MARK2: variants seen among roughly 807,000 people sequenced by gnomAD.
MARK2 encodes the protein microtubule affinity regulating kinase 2.
MARK2 carries 16 observed loss-of-function variants against 89.8 expected under a neutral mutation model. The ratio of observed to expected loss-of-function variants is 0.18; its 90% CI spans 0.12 to 0.27. The LOEUF is 0.27. Ranked by LOEUF, MARK2 falls within the 10% of genes least tolerant of loss-of-function variation. The pLI is 1.00. For synonymous variants in MARK2, 382 were observed against 399.5 expected, an observed-to-expected ratio of 0.96 and a Z score of 0.52; for missense variants, 621 against 1,049.9, an observed-to-expected ratio of 0.59 and a Z score of 5.65.
At chr11:63,864,165 A>G (rs1937991426) in intron 1 of MARK2, among the ~76,000 whole-genome samples, 1 of 151,922 alleles carries the variant, frequency 6.6e-6, no homozygotes, top group Admixed American at 6.5e-5. Context: ...CATGTTAGCC[A>G]GGATGGTCTC....
intron 11 of MARK2, among the ~76,000 whole-genome samples, chr11:63,901,662 G>C (rs1351324371): frequency 2.0e-5 from 3 of 146,924 alleles, no homozygotes; most frequent in African/African-American, 7.7e-5. Context: ...TGTTGCTTCT[G>C]TCTAGTGCTT....
At chr11:63,861,400 A>T (rs994139906) in intron 1 of MARK2, among the ~76,000 whole-genome samples, 1 of 151,946 alleles carries the variant, frequency 6.6e-6, no homozygotes, top group African/African-American at 2.4e-5. Flanking sequence ...GCACCACTGC[A>T]CTCCTGCCTG....
chr11:63,909,288 C>T lies in MARK2; in HGVS notation c.*51C>T, dbSNP rs1312423045. On this transcript the variant is annotated 3_prime_UTR_variant, in exon 19 of 19. Coordinates refer to ENST00000402010, the MANE Select transcript of MARK2 (RefSeq NM_001039469.3). ...GGGGCGGGCCAGCTGGACGGGCTGCCGGCCGCTGCGCCGCCCCACCTGGGC... is the reference window on the plus strand; with the variant it reads ...GGGGCGGGCCAGCTGGACGGGCTGCTGGCCGCTGCGCCGCCCCACCTGGGC... 5 of 1,487,774 alleles carry T rather than the reference C, an allele frequency of 3.4e-6. No homozygotes were observed. The highest frequency in any genetic ancestry group is 2.4e-5 in the Admixed American group (1 of 42,066). The allele number at this position is 1,487,774 out of a possible 1,614,324, so 92.2% of individuals were successfully genotyped here.
chr11:63,869,873 G>A (rs1414141319), intron 1 of MARK2, among the ~76,000 whole-genome samples: 2 of 152,162 alleles, frequency 1.3e-5, no homozygotes, highest in Non-Finnish European at 2.9e-5. Flanking sequence ...GGGCTGGAAG[G>A]CTTGTGAGCA....
chr11:63,858,640 A>C (rs1937596317), intron 1 of MARK2, among the ~76,000 whole-genome samples: 1 of 152,228 alleles, frequency 6.6e-6, no homozygotes, highest in African/African-American at 2.4e-5. Flanking sequence ...GGCCTGAGCC[A>C]CTGTGCCTGG....
chr11:63,839,537 C>G lies in MARK2; in HGVS notation c.31C>G (p.Leu11Val), dbSNP rs1395653554. 2.0e-6 allele frequency: 3 copies of G among 1,538,328 alleles called. No individual in the cohort carries two copies. In the African/African-American group the frequency reaches 4.2e-5, roughly 21 times the overall value. The change falls in exon 1 of 19, where the codon CTG becomes GTG. Residue 11 changes from leucine to valine, a missense_variant. Leu to Val is a conservative substitution (Grantham distance 32, BLOSUM62 1). Coordinates refer to ENST00000402010, the MANE Select transcript of MARK2 (RefSeq NM_001039469.3). MSSARTPLPT[L>V]NERDTEQPTL... ...CAGCGCTCGGACCCCCCTACCCACG[C>G]TGAACGAGAGGGACACGGAGCAGGT...
chr11:63,866,259 C>T (rs893706295), intron 1 of MARK2, among the ~76,000 whole-genome samples: 1 of 148,368 alleles, frequency 6.7e-6, no homozygotes, highest in Non-Finnish European at 1.5e-5. Context: ...GACTGAGGCA[C>T]GAGAATTGCT....
Position 63,900,132 on chromosome 11 carries a change from T to G in MARK2, c.768+22T>G, listed in dbSNP as rs752452233. On this transcript the variant is annotated intron_variant, in intron 8 of 18. Transcript: ENST00000402010. The surrounding 1 kb of genome is among the most constrained non-coding windows in gnomAD (Gnocchi z 4.7). ...CAAGGTGGAGTGAAGTGCAAGCTTTTTATTGCTTCTCATTTCCTCTCGGCC... is the reference window on the plus strand; with the variant it reads ...CAAGGTGGAGTGAAGTGCAAGCTTTGTATTGCTTCTCATTTCCTCTCGGCC... 6.5e-7 allele frequency: 1 copy of G among 1,544,948 alleles called. No homozygotes were observed. The highest frequency in any genetic ancestry group is 9.0e-7 in the Non-Finnish European group (1 of 1,117,196).
intron 1 of MARK2, among the ~76,000 whole-genome samples, chr11:63,893,794 C>A (rs369256052): frequency 6.6e-6 from 1 of 152,154 alleles, no homozygotes; most frequent in Non-Finnish European, 1.5e-5. Context: ...AAGCAAAATT[C>A]AATCACTTTA....
rs879303900 is a variant in MARK2, at chr11:63,839,175, A to G, written c.-332A>G. On this transcript the variant is annotated 5_prime_UTR_variant, in exon 1 of 19. Transcript: ENST00000402010. ...GCGGCTGCCTGTGTGCCGGGCGCGG[A>G]GCAGTGCCGCTGAGGGCAGGGGAGG... The G allele has an allele frequency of 9.8e-4, 203 of 206,238 alleles. 4 individuals are homozygous for G. The Admixed American group carries it at 0.01, about 10-fold the overall frequency. 12.8% of individuals were successfully genotyped at this position (206,238 alleles called of 1,614,324 possible).
At chr11:63,888,402 C>CGTGGCTGCA in intron 1 of MARK2, 1 of 361,558 alleles carries the variant, frequency 2.8e-6, no homozygotes, top group Non-Finnish European at 3.8e-6. Context: ...TTATGACAGC[C>CGTGGCTGCA]GTGGCTGCAG....
chr11:63,861,570 A>T (rs1391887327), intron 1 of MARK2, among the ~76,000 whole-genome samples: 1 of 152,188 alleles, frequency 6.6e-6, no homozygotes, highest in African/African-American at 2.4e-5. Context: ...ACTCAGCCTT[A>T]AAGGGAATGG....
At chr11:63,843,873 A>G (rs1308886184) in intron 1 of MARK2, among the ~76,000 whole-genome samples, 1 of 152,016 alleles carries the variant, frequency 6.6e-6, no homozygotes, top group East Asian at 1.9e-4. Flanking sequence ...GATCTGCTGG[A>G]TAAATATTTT....
intron 1 of MARK2, among the ~76,000 whole-genome samples, chr11:63,888,030 C>T (rs777846144): frequency 1.3e-5 from 2 of 152,142 alleles, no homozygotes; most frequent in Non-Finnish European, 2.9e-5. Context: ...ATAGAATGCT[C>T]TATCAGTGAT....
intron 1 of MARK2, among the ~76,000 whole-genome samples, chr11:63,890,686 G>A (rs1939774880): frequency 6.6e-6 from 1 of 152,210 alleles, no homozygotes; most frequent in Non-Finnish European, 1.5e-5. Context: ...TGGCTTAGCG[G>A]GCTCAACTTC....
chr11:63,867,259 C>T (rs1484598970), intron 1 of MARK2, among the ~76,000 whole-genome samples: 1 of 152,232 alleles, frequency 6.6e-6, no homozygotes, highest in Non-Finnish European at 1.5e-5. Context: ...AACTCCTGGG[C>T]TCAAGTGATC....
intron 1 of MARK2, among the ~76,000 whole-genome samples, chr11:63,891,070 TTG>T (rs374538402): frequency 7.9e-5 from 12 of 151,496 alleles, no homozygotes; most frequent in South Asian, 6.3e-4. Flanking sequence ...TTGTGTTTGT[TTG>T]TGTGTGTGTG....
chr11:63,906,336 G>T (rs1195193577), intron 17 of MARK2, among the ~76,000 whole-genome samples: 2 of 152,190 alleles, frequency 1.3e-5, no homozygotes, highest in Non-Finnish European at 2.9e-5. Flanking sequence ...AACAGGCAGG[G>T]CTAAGAGGCC....
chr11:63,861,057 A>G (rs539373151), intron 1 of MARK2, among the ~76,000 whole-genome samples: 4 of 152,338 alleles, frequency 2.6e-5, no homozygotes, highest in African/African-American at 9.6e-5. Context: ...TTTCAGATTT[A>G]CATGTGGCAT....
Sources: allele counts gnomAD v4.1 joint callset (sites outside exome capture counted in the v4.1 genomes callset), GRCh38; gene constraint gnomAD v4.1.1; non-coding constraint Gnocchi (gnomAD v3.1); transcripts MANE v1.5; gene names NCBI Gene and HGNC (gene_info 2026-07-23, HGNC 2026-07-21).